Variants in EPB41L3 observed in about 807,000 individuals in gnomAD.
EPB41L3 encodes band 4.1-like protein 3.
EPB41L3 carries 57 observed loss-of-function variants against 127.1 expected under a neutral mutation model. The ratio of observed to expected loss-of-function variants is 0.45; its 90% confidence interval spans 0.36 to 0.56. The LOEUF (loss-of-function observed/expected upper bound fraction) is 0.56, where lower values mean the gene tolerates loss of function less well. Ranked by LOEUF, EPB41L3 falls within the 20% of genes least tolerant of loss-of-function variation. The pLI is 0.00. For synonymous variants in EPB41L3, 572 were observed against 549.5 expected (o/e 1.04, Z -0.57); for missense variants, 1,273 against 1,372.2 (o/e 0.93, Z 1.14).
intron 3 of EPB41L3, among the ~76,000 whole-genome samples, chr18:5,604,242 A>G (rs1287940272): frequency 2.0e-5 from 3 of 150,278 alleles, no homozygotes; most frequent in African/African-American, 7.4e-5. Context: ...TCTCCTTGGT[A>G]TTTGACTTAC....
intron 21 of EPB41L3, 32 bp from the exon 22 acceptor site, chr18:5,394,825 CA>C (rs1224594646): frequency 3.7e-6 from 6 of 1,600,842 alleles, no homozygotes; most frequent in Non-Finnish European, 5.1e-6. Flanking sequence ...AGGGCAGAAA[CA>C]AAAAGGAGGT....
intron 3 of EPB41L3, among the ~76,000 whole-genome samples, chr18:5,458,971 T>C (rs2083525925): frequency 6.6e-6 from 1 of 152,204 alleles, no homozygotes; most frequent in Non-Finnish European, 1.5e-5. Flanking sequence ...AGTATGCCTT[T>C]GTCTCTAAAA....
chr18:5,547,946 C>T (rs2093907855), upstream of EPB41L3, among the ~76,000 whole-genome samples: 1 of 152,208 alleles, frequency 6.6e-6, no homozygotes, highest in South Asian at 2.1e-4. Context: ...ACTTTGCTCT[C>T]AAACATGAAA....
intron 1 of EPB41L3, among the ~76,000 whole-genome samples, chr18:5,540,954 G>A (rs916630823): frequency 3.3e-5 from 5 of 151,848 alleles, no homozygotes; most frequent in Admixed American, 2.0e-4. Context: ...GCGTGGTGGC[G>A]GGCGCCTGTA....
intron 1 of EPB41L3, among the ~76,000 whole-genome samples, chr18:5,627,855 G>C (rs554918432): frequency 1.3e-3 from 194 of 152,292 alleles, no homozygotes; most frequent in Middle Eastern, 3.4e-3. Flanking sequence ...TACTGAGAAC[G>C]TTTTCCTAAG....
At chr18:5,597,058 TGAAAAGAAG>T (rs1568625145) in intron 3 of EPB41L3, among the ~76,000 whole-genome samples, 1 of 152,028 alleles carries the variant, frequency 6.6e-6, no homozygotes, top group African/African-American at 2.4e-5. Context: ...CCCCCATCTC[TGAAAAGAAG>T]GAAAAGGAAG....
At chr18:5,609,426 T>C (rs1188979878) in intron 3 of EPB41L3, among the ~76,000 whole-genome samples, 2 of 152,200 alleles carry the variant, frequency 1.3e-5, no homozygotes, top group Non-Finnish European at 2.9e-5. Flanking sequence ...CTGCATTCTA[T>C]AGCAAGAAAT....
chr18:5,476,517 A>G (rs569300113), intron 3 of EPB41L3, among the ~76,000 whole-genome samples: 95 of 152,360 alleles, frequency 6.2e-4, no homozygotes, highest in Admixed American at 9.2e-4. Context: ...GCCCTAAGGC[A>G]TTATCCTCTC....
upstream of EPB41L3, chr18:5,544,143 C>T (rs535787479): frequency 4.6e-5 from 45 of 985,504 alleles, no homozygotes; most frequent in African/African-American, 7.8e-4. Context: ...TCCTGCCTGC[C>T]CTCCCAGCCG....
intron 1 of EPB41L3, among the ~76,000 whole-genome samples, chr18:5,498,612 G>A (rs112558908): frequency 0.054 from 2,696 of 49,784 alleles, 33 homozygotes; most frequent in Middle Eastern, 0.1. Flanking sequence ...AAAAAAAAAA[G>A]AAAATGGACT....
intron 20 of EPB41L3, 64 bp from the exon 21 acceptor site, chr18:5,395,211 G>A: frequency 7.2e-7 from 1 of 1,380,950 alleles, no homozygotes; most frequent in African/African-American, 1.4e-5. Flanking sequence ...TGGTTCAGTA[G>A]GGGGAAATGG....
chr18:5,426,916 A>C (rs1401984878), intron 9 of EPB41L3, among the ~76,000 whole-genome samples: 1 of 152,242 alleles, frequency 6.6e-6, no homozygotes, highest in Non-Finnish European at 1.5e-5. Context: ...TTAGTTATTT[A>C]CATGAAAAGC....
In EPB41L3 at chr18:5,396,321, C is replaced by T; in HGVS notation, c.2853G>A (p.Val951=). The T allele has an allele frequency of 6.8e-6, 11 of 1,614,174 alleles. No homozygotes were observed. Among genetic ancestry groups the T allele is most frequent in the Non-Finnish European group, 8.5e-6 (10 of 1,180,032 alleles). ...TGCCAAAACTGATGGTTTCCGTCTT[C>T]ACCGTTGAGGACTGTGCCAAAGGGG... is the stretch of plus-strand genomic sequence containing the variant. The part of the protein sequence containing the change: ...EQKPHFESST[V]KTETISFGSV... Residue 951 remains valine (V), a synonymous_variant, in exon 19 of 23, where the codon GTG becomes GTA. Coordinates refer to ENST00000341928, the MANE Select transcript of EPB41L3 (RefSeq NM_012307.5).
At position 5,478,329 on chromosome 18, in the gene EPB41L3, C is replaced by A. The variant is rs142277051; in HGVS notation, c.293G>T (p.Arg98Leu). ...CTTTTTGACAATCTTTAATGGAGAC[C>A]GAGAGAGTTTACTGCTAGATGATTT... The part of the protein sequence containing the change: ...SQKSSSSKLS[R>L]SPLKIVKKPK... Residue 98 changes from arginine (R) to leucine (L), a missense_variant, in exon 3 of 23, where the codon CGG becomes CTG. Physicochemically the swap from Arg to Leu is moderately radical, Grantham distance 102. Coordinates refer to ENST00000341928, the MANE Select transcript of EPB41L3 (RefSeq NM_012307.5). The A allele has an allele frequency of 1.9e-6, 3 of 1,614,040 alleles. No individual in the cohort carries two copies. The highest frequency in any genetic ancestry group is 2.2e-5 in the East Asian group (1 of 44,864).
intron 2 of EPB41L3, among the ~76,000 whole-genome samples, chr18:5,484,743 C>T (rs1248393135): frequency 2.6e-5 from 4 of 151,526 alleles, no homozygotes; most frequent in East Asian, 1.9e-4. Flanking sequence ...CCAGAAGAAA[C>T]GGATAAATTT....
intron 3 of EPB41L3, among the ~76,000 whole-genome samples, chr18:5,472,571 T>C (rs67424787): frequency 0.3 from 45,404 of 152,116 alleles, 6,908 homozygotes; most frequent in East Asian, 0.33. Context: ...AATACCTGTA[T>C]TGGTTTAAAA....
intron 3 of EPB41L3, among the ~76,000 whole-genome samples, chr18:5,475,979 C>T (rs1037960808): frequency 6.6e-6 from 1 of 151,984 alleles, no homozygotes; most frequent in Non-Finnish European, 1.5e-5. Context: ...CTAGTATGCC[C>T]CGTGTGTAGC....
intron 3 of EPB41L3, among the ~76,000 whole-genome samples, chr18:5,576,879 G>A (rs1050934408): frequency 6.6e-6 from 1 of 152,232 alleles, no homozygotes; most frequent in Admixed American, 6.5e-5. Flanking sequence ...CGGCATTCTT[G>A]TCTTTGGAGA....
At position 5,543,953 on chromosome 18, in the gene EPB41L3, A is replaced by T; in HGVS notation, c.-52T>A. 1.0e-6 allele frequency: 1 copy of T among 985,546 alleles called. No homozygotes were observed. Among genetic ancestry groups the T allele is most frequent in the Non-Finnish European group, 1.2e-6 (1 of 830,086 alleles). 61.1% of individuals were successfully genotyped at this position (985,546 alleles called of 1,614,324 possible). On this transcript the variant is annotated 5_prime_UTR_variant, in exon 1 of 23. Transcript: ENST00000341928. This position sits in a 1 kb window ranked among gnomAD's most constrained non-coding sequence, Gnocchi z 5.2. ...AGCCCGGGCGCGCCGCGGCGTGGGG[A>T]CTAGGCTCGGGCGCGCGTCCTCGGC... is the stretch of plus-strand genomic sequence containing the variant.
Sources: allele counts gnomAD v4.1 joint callset (sites outside exome capture counted in the v4.1 genomes callset), GRCh38; gene constraint gnomAD v4.1.1; non-coding constraint Gnocchi (gnomAD v3.1); transcripts MANE v1.5; gene names NCBI Gene and HGNC (gene_info 2026-07-23, HGNC 2026-07-21).